Variants in STX5 observed in about 807,000 individuals in gnomAD.
STX5 encodes syntaxin 5, also known as syntaxin-5.
STX5 carries 15 observed loss-of-function variants against 42.9 expected under a neutral mutation model. The ratio of observed to expected loss-of-function variants is 0.35; its 90% CI spans 0.23 to 0.54. The LOEUF is 0.54. Among genes scored for constraint, STX5 ranks in the 20% least tolerant of loss-of-function variants. STX5 has a pLI of 0.91. For missense variants in STX5, 430 were observed against 455.0 expected (o/e 0.95, Z 0.50); for synonymous variants, 184 against 173.2 (o/e 1.06, Z -0.49).
In STX5 at chr11:62,824,250, T is replaced by C. The variant is rs1281562517; in HGVS notation, c.824A>G (p.Asn275Ser). 6.8e-6 allele frequency: 11 copies of C among 1,614,198 alleles called. No individual in the cohort carries two copies. In the South Asian group the frequency reaches 1.2e-4, roughly 18 times the overall value. Reference sequence around the variant, plus strand: ...CAACTCAACAATTGTCGACTCAATGTTCTGCATGGTGTCTGCCCGACTCTG... The same window carrying C: ...CAACTCAACAATTGTCGACTCAATGCTCTGCATGGTGTCTGCCCGACTCTG... ...YIQSRADTMQNIESTIVELGS... is the reference protein window; with the variant it reads ...YIQSRADTMQSIESTIVELGS... The change falls in exon 10 of 11, where the codon AAC becomes AGC. Residue 275 changes from asparagine to serine, a missense_variant. By Grantham distance (46) the Asn-to-Ser change is conservative. Transcript: ENST00000294179.
chr11:62,831,959 C>G lies in STX5; in HGVS notation c.-25G>C, dbSNP rs547465151. ...CCTCTTAAAGCGAATCTTACCTCCC[C>G]TCTGCCGCCTGCCGCCGCCGCCACT... On this transcript the variant is annotated 5_prime_UTR_variant, in exon 1 of 11. Transcript: ENST00000294179. 4.3e-6 allele frequency: 2 copies of G among 460,876 alleles called. No homozygotes were observed. The highest frequency in any genetic ancestry group is 1.4e-4 in the East Asian group (2 of 14,578). 28.5% of individuals were successfully genotyped at this position (460,876 alleles called of 1,614,324 possible). A position where few individuals can be genotyped will look rare whatever the true frequency, so the allele number is the denominator to read the frequency against.
intron 10 of STX5, among the ~76,000 whole-genome samples, chr11:62,815,620 T>G (rs2084665466): frequency 6.7e-6 from 1 of 150,330 alleles, no homozygotes; most frequent in Non-Finnish European, 1.5e-5. Flanking sequence ...CACTGCAACC[T>G]CTGCCTCCCA....
chr11:62,826,857 G>A (rs2084801767), intron 5 of STX5, among the ~76,000 whole-genome samples: 1 of 148,214 alleles, frequency 6.7e-6, no homozygotes. Context: ...TCCGGCCTGG[G>A]TGAAAGAGCA....
At chr11:62,825,565 A>C in intron 5 of STX5, 26 bp from the exon 6 acceptor site, 5 of 1,604,654 alleles carry the variant, frequency 3.1e-6, no homozygotes, top group Non-Finnish European at 4.3e-6. Context: ...AAGGAAAAAC[A>C]AAGTATTAGC....
At chr11:62,810,630 G>A (rs1257388623) in intron 10 of STX5, among the ~76,000 whole-genome samples, 1 of 152,170 alleles carries the variant, frequency 6.6e-6, no homozygotes, top group African/African-American at 2.4e-5. Context: ...AGAATCACCT[G>A]TTGAATTCTC....
intron 10 of STX5, among the ~76,000 whole-genome samples, chr11:62,817,485 ATTC>A: frequency 6.6e-6 from 1 of 152,340 alleles, no homozygotes; most frequent in South Asian, 2.1e-4. Flanking sequence ...AAAAGTCAAC[ATTC>A]TTTATAGAAA....
chr11:62,822,327 C>A (rs1002854204), intron 10 of STX5, among the ~76,000 whole-genome samples: 3 of 152,188 alleles, frequency 2.0e-5, no homozygotes, highest in African/African-American at 7.2e-5. Flanking sequence ...CATGCCACTG[C>A]ACTCCAGCCT....
intron 10 of STX5, among the ~76,000 whole-genome samples, chr11:62,821,857 C>T (rs2084743851): frequency 6.6e-6 from 1 of 151,964 alleles, no homozygotes; most frequent in African/African-American, 2.4e-5. Context: ...GAAACCCTGT[C>T]TCCACTAAAA....
intron 10 of STX5, among the ~76,000 whole-genome samples, chr11:62,815,543 T>A (rs376330430): frequency 5.9e-5 from 9 of 151,542 alleles, no homozygotes; most frequent in East Asian, 1.9e-4. Context: ...GGTTTTTTTT[T>A]TTTTATTTTT....
intron 10 of STX5, among the ~76,000 whole-genome samples, chr11:62,811,053 TTC>T (rs2084611862): frequency 1.3e-5 from 2 of 152,054 alleles, no homozygotes; most frequent in African/African-American, 4.8e-5. Flanking sequence ...AAGGACACAT[TTC>T]TCTCTCTGCT....
Position 62,807,476 on chromosome 11 carries a change from AG to A in STX5, c.1060del (p.Ala355LeufsTer7). On this transcript the variant is annotated frameshift_variant, in exon 11 of 11. Coordinates refer to ENST00000294179, the MANE Select transcript of STX5 (RefSeq NM_003164.5). LOFTEE classifies it high-confidence loss of function. ...IVFFIIFVVF[L>X]A ...CCTCAGAGTAGAGAGGGTTCAAGCAAGGAAGACCACAAAGATGATGAAGAAG... is the reference window on the plus strand; with the variant it reads ...CCTCAGAGTAGAGAGGGTTCAAGCAAGAAGACCACAAAGATGATGAAGAAG... The A allele has an allele frequency of 6.2e-7, 1 of 1,613,846 alleles. No individual in the cohort carries two copies. The highest frequency in any genetic ancestry group is 8.5e-7 in the Non-Finnish European group (1 of 1,179,944).
At chr11:62,821,406 T>A (rs1279718942) in intron 10 of STX5, among the ~76,000 whole-genome samples, 1 of 151,978 alleles carries the variant, frequency 6.6e-6, no homozygotes, top group Non-Finnish European at 1.5e-5. Flanking sequence ...AATCCCAGAG[T>A]ATACACTATT....
intron 10 of STX5, among the ~76,000 whole-genome samples, chr11:62,814,435 AC>A (rs1363586210): frequency 2.0e-5 from 3 of 150,318 alleles, no homozygotes; most frequent in African/African-American, 7.3e-5. Context: ...TGCTGGGATT[AC>A]AGGTGTGAGC....
chr11:62,814,436 C>T (rs999946074), intron 10 of STX5, among the ~76,000 whole-genome samples: 6 of 150,826 alleles, frequency 4.0e-5, no homozygotes, highest in South Asian at 4.2e-4. Context: ...GCTGGGATTA[C>T]AGGTGTGAGC....
intron 10 of STX5, among the ~76,000 whole-genome samples, chr11:62,821,270 T>TG (rs2084737204): frequency 6.6e-6 from 1 of 151,690 alleles, no homozygotes; most frequent in African/African-American, 2.4e-5. Context: ...ATCGAGCCAC[T>TG]GTACTCTAGC....
chr11:62,828,818 G>A (rs2084824029), intron 2 of STX5, among the ~76,000 whole-genome samples: 1 of 151,950 alleles, frequency 6.6e-6, no homozygotes, highest in African/African-American at 2.4e-5. Context: ...TGTAATCCCA[G>A]CATTTTGGGA....
At chr11:62,826,748 C>T (rs1374860874) in intron 5 of STX5, among the ~76,000 whole-genome samples, 5 of 151,544 alleles carry the variant, frequency 3.3e-5, no homozygotes, top group African/African-American at 7.3e-5. Context: ...TCATTGGTAG[C>T]GGGTGCCTAT....
intron 10 of STX5, among the ~76,000 whole-genome samples, chr11:62,815,606 G>A (rs1363158028): frequency 1.1e-4 from 17 of 150,396 alleles, no homozygotes; most frequent in African/African-American, 2.4e-4. Flanking sequence ...GCACAATCTC[G>A]GCTCACTGCA....
At position 62,824,562 on chromosome 11, in the gene STX5, C is replaced by A; in HGVS notation, c.683G>T (p.Gly228Val). 1 of 1,614,064 alleles carries A rather than the reference C, an allele frequency of 6.2e-7. No homozygotes were observed. Among genetic ancestry groups the A allele is most frequent in the Non-Finnish European group, 8.5e-7 (1 of 1,179,966 alleles). ...ALPLAPNHLGGGAVVLGAESH... is the reference protein window; with the variant it reads ...ALPLAPNHLGVGAVVLGAESH... ...CTCTGCCCCCAGAACCACAGCACCA[C>A]CGCCTGGGGGAGAAAACAGGATGTG... The change falls in exon 9 of 11, where the codon GGT (glycine) becomes GTT (valine). Residue 228 changes from glycine to valine, a missense_variant. By Grantham distance (109) the Gly-to-Val change is moderately radical. Transcript: ENST00000294179.
Sources: gnomAD v4.1 joint callset for allele counts (sites outside exome capture counted in the v4.1 genomes callset) on GRCh38, gnomAD v4.1.1 for gene constraint, MANE v1.5 for transcripts, NCBI Gene and HGNC (gene_info 2026-07-23, HGNC 2026-07-21) for gene names.